Variants in TENM2 observed in about 807,000 individuals in gnomAD.
TENM2 encodes the protein teneurin-2.
A neutral mutation model predicts 245.2 loss-of-function variants in TENM2; 52 were observed. The observed-to-expected ratio is 0.21, with a 90% confidence interval of 0.17 to 0.27. TENM2 has a LOEUF of 0.27. TENM2 is among the 10% of genes least tolerant of loss of function. TENM2 has a pLI of 1.00. For synonymous variants in TENM2, 1,363 were observed against 1,438.9 expected (o/e 0.95, Z 1.19); for missense variants, 3,046 against 3,666.8 (o/e 0.83, Z 4.37).
In TENM2 at chr5:167,430,352, C is replaced by T. The variant is rs1764142774; in HGVS notation, c.502+54879C>T. Among the ~76,000 whole-genome samples the T allele has an allele frequency of 2.0e-5, 3 of 152,084 alleles. 1 individual carries two copies. The South Asian group carries it at 6.2e-4, about 32-fold the overall frequency. Reference sequence around the variant, plus strand: ...AAATAATCAACGTAATGTGCTTTGTCCACCATAAGTATTCAACAGAAGGAG... The same window carrying T: ...AAATAATCAACGTAATGTGCTTTGTTCACCATAAGTATTCAACAGAAGGAG... On this transcript the variant is annotated intron_variant, in intron 2 of 28. Transcript: ENST00000518659.
chr5:167,583,830 C>A (rs1775282148), intron 2 of TENM2, among the ~76,000 whole-genome samples: 1 of 152,160 alleles, frequency 6.6e-6, no homozygotes, highest in East Asian at 1.9e-4. Context: ...GGATTCCTTC[C>A]AGTCTTTCCT....
intron 2 of TENM2, among the ~76,000 whole-genome samples, chr5:167,668,609 C>T (rs893341129): frequency 6.6e-6 from 1 of 152,060 alleles, no homozygotes; most frequent in Non-Finnish European, 1.5e-5. Context: ...TTAAATGATT[C>T]CTAAAACCGT....
At chr5:167,266,957 T>C in the TENM2 span, among the ~76,000 whole-genome samples, 1 of 152,306 alleles carries the variant, frequency 6.6e-6, no homozygotes, top group East Asian at 1.9e-4. Flanking sequence ...TATGTGTTCA[T>C]CCCTCAGTAT....
At chr5:168,063,813 T>C (rs1206816985) in intron 7 of TENM2, among the ~76,000 whole-genome samples, 2 of 152,170 alleles carry the variant, frequency 1.3e-5, no homozygotes, top group Non-Finnish European at 2.9e-5. Flanking sequence ...TGCAATCCCA[T>C]CTTTACAGCC....
chr5:168,211,301 G>T lies in TENM2; in HGVS notation c.3825-433G>T, dbSNP rs1280804887. ...ACCATCCTCCCTCCCACACTCAGAGGGGACATTGCAAGTGAGTCACAGTAC... is the reference window on the plus strand; with the variant it reads ...ACCATCCTCCCTCCCACACTCAGAGTGGACATTGCAAGTGAGTCACAGTAC... On this transcript the variant is annotated intron_variant, in intron 19 of 28. Coordinates refer to ENST00000518659, the Ensembl canonical transcript of TENM2. 6.6e-5 allele frequency among the ~76,000 whole-genome samples: 10 copies of T among 152,296 alleles called. No individual in the cohort carries two copies. In the East Asian group the frequency reaches 1.9e-3, roughly 29 times the overall value.
chr5:167,446,679 A>C (rs1452471265), intron 2 of TENM2, among the ~76,000 whole-genome samples: 2 of 109,722 alleles, frequency 1.8e-5, no homozygotes, highest in African/African-American at 6.7e-5. Context: ...AAAGTTATGG[A>C]GTAAACCTAT....
intron 12 of TENM2, among the ~76,000 whole-genome samples, chr5:168,152,592 A>T (rs1464041608): frequency 3.9e-5 from 6 of 152,246 alleles, no homozygotes; most frequent in Non-Finnish European, 7.3e-5. Flanking sequence ...CCCTATTTCC[A>T]TACTGGTAGG....
At chr5:168,167,877 G>A (rs1758447179) in intron 13 of TENM2, among the ~76,000 whole-genome samples, 1 of 152,202 alleles carries the variant, frequency 6.6e-6, no homozygotes, top group African/African-American at 2.4e-5. Flanking sequence ...GTGAGAAAAT[G>A]CATGTGATGT....
At chr5:168,250,580 A>G (rs1440501719) in intron 27 of TENM2, among the ~76,000 whole-genome samples, 2 of 152,156 alleles carry the variant, frequency 1.3e-5, no homozygotes, top group African/African-American at 2.4e-5. Context: ...GAAATAAACA[A>G]ACATCCTTAA....
intron 2 of TENM2, among the ~76,000 whole-genome samples, chr5:167,615,228 T>A (rs2127758102): frequency 6.6e-6 from 1 of 152,210 alleles, no homozygotes; most frequent in East Asian, 1.9e-4. Context: ...TGGGGTGAAT[T>A]TTTTTTCTAT....
At chr5:167,952,876 T>C (rs775008199) in intron 4 of TENM2, 54 bp downstream of exon 6, 2 of 1,445,496 alleles carry the variant, frequency 1.4e-6, no homozygotes, top group Non-Finnish European at 1.9e-6. Context: ...TACCCCTGAG[T>C]CACCACACAG....
At chr5:167,756,916 A>G in intron 2 of TENM2, among the ~76,000 whole-genome samples, 1 of 151,936 alleles carries the variant, frequency 6.6e-6, no homozygotes, top group Admixed American at 6.6e-5. Flanking sequence ...TCTTTGAGAG[A>G]ACACAGGGTG....
chr5:167,447,533 T>G (rs915419167), intron 2 of TENM2, among the ~76,000 whole-genome samples: 2 of 152,198 alleles, frequency 1.3e-5, no homozygotes, highest in African/African-American at 2.4e-5. Context: ...CAACTTTGAC[T>G]TGGGTGAGGA....
intron 2 of TENM2, among the ~76,000 whole-genome samples, chr5:167,384,081 C>T (rs545321789): frequency 6.6e-6 from 1 of 152,132 alleles, no homozygotes; most frequent in Non-Finnish European, 1.5e-5. Flanking sequence ...GCTAATGATA[C>T]CTAACTATGT....
chr5:167,615,896 C>T (rs1320868792), intron 2 of TENM2, among the ~76,000 whole-genome samples: 2 of 152,046 alleles, frequency 1.3e-5, no homozygotes, highest in Non-Finnish European at 2.9e-5. Context: ...CTTTTTTCCT[C>T]CTAAGAAATA....
At chr5:167,574,662 A>T (rs1774520343) in intron 2 of TENM2, among the ~76,000 whole-genome samples, 1 of 152,222 alleles carries the variant, frequency 6.6e-6, no homozygotes, top group East Asian at 1.9e-4. Context: ...GTAAATAATT[A>T]GGAGAACTGA....
intron 2 of TENM2, among the ~76,000 whole-genome samples, chr5:167,727,242 T>C (rs1389981972): frequency 2.6e-5 from 4 of 151,730 alleles, no homozygotes; most frequent in Non-Finnish European, 5.9e-5. Context: ...CCCGAGTTGC[T>C]GGGACTACAG....
chr5:167,487,181 G>A (rs952059015), intron 2 of TENM2, among the ~76,000 whole-genome samples: 1 of 152,050 alleles, frequency 6.6e-6, no homozygotes, highest in Non-Finnish European at 1.5e-5. Context: ...TTTGGTTTGG[G>A]GCCTGGGTAT....
intron 2 of TENM2, among the ~76,000 whole-genome samples, chr5:167,626,317 G>A (rs1778495605): frequency 6.6e-6 from 1 of 151,568 alleles, no homozygotes; most frequent in Non-Finnish European, 1.5e-5. Context: ...TCTCAGGTTG[G>A]ACGATATTAT....
Sources: allele counts gnomAD v4.1 joint callset (sites outside exome capture counted in the v4.1 genomes callset), GRCh38; gene constraint gnomAD v4.1.1; transcripts MANE v1.5; gene names NCBI Gene and HGNC (gene_info 2026-07-23, HGNC 2026-07-21).